ETS1: variants seen among roughly 807,000 people sequenced by gnomAD.
ETS1 encodes the protein ETS proto-oncogene 1, transcription factor, also known as protein C-ets-1.
Under a neutral mutation model 58.6 loss-of-function variants are expected in ETS1, and 15 were observed. The observed-to-expected ratio is 0.26, with a 90% CI of 0.17 to 0.39. The LOEUF (loss-of-function observed/expected upper bound fraction) is 0.39, where lower values mean the gene tolerates loss of function less well. Among genes scored for constraint, ETS1 ranks in the 10% least tolerant of loss-of-function variants. The pLI is 1.00. For synonymous variants in ETS1, 214 were observed against 218.2 expected, an observed-to-expected ratio of 0.98 and a Z score of 0.17; for missense variants, 417 against 610.5, an observed-to-expected ratio of 0.68 and a Z score of 3.34.
intron 3 of ETS1, among the ~76,000 whole-genome samples, chr11:128,533,214 AG>A (rs1863925899): frequency 6.6e-6 from 1 of 152,210 alleles, no homozygotes; most frequent in African/African-American, 2.4e-5. Flanking sequence ...GAAAGGCAAA[AG>A]TTTTCATCAC....
At chr11:128,551,588 C>T (rs569982202) in intron 3 of ETS1, among the ~76,000 whole-genome samples, 2 of 152,236 alleles carry the variant, frequency 1.3e-5, no homozygotes, top group East Asian at 3.9e-4. Context: ...AAACCATTTG[C>T]TCTAGCATGT....
chr11:128,466,349 G>A (rs769835028), intron 8 of ETS1, among the ~76,000 whole-genome samples: 7 of 152,140 alleles, frequency 4.6e-5, no homozygotes, highest in Non-Finnish European at 7.3e-5. Flanking sequence ...TCCTTCCCCC[G>A]GATGAGTCTT....
At chr11:128,556,148 G>A in intron 3 of ETS1, 143 bp downstream of exon 3, 1 of 635,580 alleles carries the variant, frequency 1.6e-6, no homozygotes, top group Non-Finnish European at 2.5e-6. Context: ...TTATGGAGAA[G>A]GCCCGGGACT....
intron 3 of ETS1, among the ~76,000 whole-genome samples, chr11:128,507,354 C>T (rs1003378993): frequency 6.6e-6 from 1 of 152,162 alleles, no homozygotes; most frequent in Non-Finnish European, 1.5e-5. Context: ...GAGATTTCAG[C>T]GACGGGTGGT....
intron 3 of ETS1, among the ~76,000 whole-genome samples, chr11:128,535,114 G>A (rs560439376): frequency 7.9e-5 from 12 of 152,036 alleles, no homozygotes; most frequent in East Asian, 1.9e-4. Flanking sequence ...TTTAATAATC[G>A]TCATTCTGAC....
chr11:128,525,490 A>C lies in ETS1; in HGVS notation c.214+30801T>G, dbSNP rs568388028. Among the ~76,000 whole-genome samples the C allele has an allele frequency of 5.3e-5, 8 of 152,256 alleles. No homozygotes were observed. The East Asian group carries it at 1.5e-3, about 29-fold the overall frequency. ...GTCTTGAACTTCAACAAAACAAAGA[A>C]TCTCTGAGTTTTGAGCTAAAATATG... On this transcript the variant is annotated intron_variant, in intron 3 of 9. Coordinates refer to ENST00000392668, the MANE Select transcript of ETS1 (RefSeq NM_001143820.2).
At chr11:128,515,614 T>G (rs1187283963) in intron 3 of ETS1, among the ~76,000 whole-genome samples, 1 of 152,220 alleles carries the variant, frequency 6.6e-6, no homozygotes, top group African/African-American at 2.4e-5. Context: ...GGCCCTCATC[T>G]GTGGGGAGAG....
rs996447546 is a variant in ETS1, at chr11:128,471,149, G to A, written c.1124-7522C>T. Among the ~76,000 whole-genome samples, 5 of 152,222 alleles carry A rather than the reference G, an allele frequency of 3.3e-5. No homozygotes were observed. In the East Asian group the frequency reaches 9.6e-4, roughly 29 times the overall value. ...CAAATGCCAATAGTTTGGGCCCAAAGAGACGGGTCCCACCAGCATTAACTG... is the reference window on the plus strand; with the variant it reads ...CAAATGCCAATAGTTTGGGCCCAAAAAGACGGGTCCCACCAGCATTAACTG... On this transcript the variant is annotated intron_variant, in intron 8 of 9. Coordinates refer to ENST00000392668, the MANE Select transcript of ETS1 (RefSeq NM_001143820.2).
At chr11:128,482,046 C>T (rs1862501613) in intron 7 of ETS1, among the ~76,000 whole-genome samples, 1 of 152,110 alleles carries the variant, frequency 6.6e-6, no homozygotes, top group African/African-American at 2.4e-5. Flanking sequence ...ATCAGCCCTG[C>T]CCACCCAGTC....
chr11:128,531,173 C>T (rs1416906122), intron 3 of ETS1, among the ~76,000 whole-genome samples: 2 of 152,156 alleles, frequency 1.3e-5, no homozygotes, highest in African/African-American at 4.8e-5. Context: ...ACAAGCTTGG[C>T]AGTAAATAGA....
intron 2 of ETS1, among the ~76,000 whole-genome samples, chr11:128,566,589 C>T (rs1445558030): frequency 2.6e-5 from 4 of 152,106 alleles, no homozygotes; most frequent in Non-Finnish European, 4.4e-5. Context: ...CGAGACCATC[C>T]TGGCTAACAC....
In ETS1 at chr11:128,485,987, A is replaced by C. The variant is rs371519687; in HGVS notation, c.613+82T>G. On this transcript the variant is annotated intron_variant, in intron 6 of 9. Coordinates refer to ENST00000392668, the MANE Select transcript of ETS1 (RefSeq NM_001143820.2). ...TATTATTTTTGATAGAATTACCATG[A>C]AGGAGCCTGAGATTCACTGAGATAG... 5.2e-5 allele frequency: 41 copies of C among 793,888 alleles called. No individual in the cohort carries two copies. The East Asian group carries it at 8.8e-4, about 17-fold the overall frequency. 49.2% of individuals were successfully genotyped at this position (793,888 alleles called of 1,614,324 possible). A position where few individuals can be genotyped will look rare whatever the true frequency, so the allele number is the denominator to read the frequency against.
chr11:128,463,759 A>G lies in ETS1; in HGVS notation c.1124-132T>C. 1.6e-6 allele frequency: 1 copy of G among 639,738 alleles called. No homozygotes were observed. Among genetic ancestry groups the G allele is most frequent in the Non-Finnish European group, 2.9e-6 (1 of 349,946 alleles). The allele number at this position is 639,738 out of a possible 1,614,324, so 39.6% of individuals were successfully genotyped here. On this transcript the variant is annotated intron_variant, in intron 8 of 9. Coordinates refer to ENST00000392668, the MANE Select transcript of ETS1 (RefSeq NM_001143820.2). This position sits in a 1 kb window ranked among gnomAD's most constrained non-coding sequence, Gnocchi z 4.1. ...CCAGGAGAAAATGAAGGCAACAGACAGTGCACATGTCGGAGGAAGTGTTAT... is the reference window on the plus strand; with the variant it reads ...CCAGGAGAAAATGAAGGCAACAGACGGTGCACATGTCGGAGGAAGTGTTAT...
intron 3 of ETS1, among the ~76,000 whole-genome samples, chr11:128,555,510 T>C (rs114214517): frequency 6.6e-6 from 1 of 152,188 alleles, no homozygotes; most frequent in Non-Finnish European, 1.5e-5. Flanking sequence ...CTATTTGGTA[T>C]TCAAATATGT....
chr11:128,573,146 T>C lies in ETS1; in HGVS notation c.-14-2A>G. ...AGTAGCTCATTCTGCTCTCAGCACCTGTGTGAGAGAAGGCGTTGGCTGAGC... is the reference window on the plus strand; with the variant it reads ...AGTAGCTCATTCTGCTCTCAGCACCCGTGTGAGAGAAGGCGTTGGCTGAGC... On this transcript the variant is annotated splice_acceptor_variant, in intron 1 of 9. Coordinates refer to ENST00000392668, the MANE Select transcript of ETS1 (RefSeq NM_001143820.2). LOFTEE classifies it low-confidence loss of function (5UTR_SPLICE). 1 of 1,568,614 alleles carries C rather than the reference T, an allele frequency of 6.4e-7. No individual in the cohort carries two copies. The highest frequency in any genetic ancestry group is 1.2e-5 in the South Asian group (1 of 85,312).
chr11:128,522,250 T>G, intron 3 of ETS1: 1 of 1,179,524 alleles, frequency 8.5e-7, no homozygotes, highest in Non-Finnish European at 1.1e-6. Context: ...CCGCTCCTCC[T>G]GCCCGGCCCT....
At position 128,549,257 on chromosome 11, in the gene ETS1, G is replaced by GCGCCCCTCGCCCCT. The variant is rs531114610; in HGVS notation, c.214+7020_214+7033dup. On this transcript the variant is annotated intron_variant, in intron 3 of 9. Transcript: ENST00000392668. The surrounding 1 kb of genome is among the most constrained non-coding windows in gnomAD (Gnocchi z 4.3). ...GCCCGCCCCCACCCTCCACTCTCAC[G>GCGCCCCTCGCCCCT]CGCCCCTCGCCCCTCGCCCCTCGCC... 4.2e-4 allele frequency among the ~76,000 whole-genome samples: 54 copies of GCGCCCCTCGCCCCT among 129,594 alleles called. No individual in the cohort carries two copies. Among genetic ancestry groups the GCGCCCCTCGCCCCT allele is most frequent in the African/African-American group, 1.1e-3 (37 of 33,960 alleles). The allele number at this position is 129,594 out of a possible 152,430, so 85.0% of individuals were successfully genotyped here.
rs185928702 is a variant in ETS1, at chr11:128,532,672, C to T, written c.214+23619G>A. Among the ~76,000 whole-genome samples, 314 of 151,454 alleles carry T rather than the reference C, an allele frequency of 2.1e-3. 1 individual carries two copies. The highest frequency in any genetic ancestry group is 7.1e-3 in the African/African-American group (295 of 41,314). On this transcript the variant is annotated intron_variant, in intron 3 of 9. Coordinates refer to ENST00000392668, the MANE Select transcript of ETS1 (RefSeq NM_001143820.2). The stretch of plus-strand genomic sequence containing the variant: ...TCTTGCTCTCCTTTTTTTTTTTCCC[C>T]AGTGACTTTGGGGAGGTTTGGGCAG...
chr11:128,573,504 G>T (rs2135582494), intron 1 of ETS1, among the ~76,000 whole-genome samples: 1 of 152,248 alleles, frequency 6.6e-6, no homozygotes, highest in Middle Eastern at 3.4e-3. Context: ...AGGCCTGGCA[G>T]ATAAGTAGGC....
Sources: gnomAD v4.1 joint callset for allele counts (sites outside exome capture counted in the v4.1 genomes callset) on GRCh38, gnomAD v4.1.1 for gene constraint, Gnocchi (gnomAD v3.1) non-coding constraint, MANE v1.5 for transcripts, NCBI Gene and HGNC (gene_info 2026-07-23, HGNC 2026-07-21) for gene names.